Variants in BLTP3A observed in about 807,000 individuals in gnomAD.
The protein encoded by BLTP3A is ICBP90 binding protein 1.
the BLTP3A span, among the ~76,000 whole-genome samples, chr6:34,826,111 C>CA: frequency 6.8e-6 from 1 of 147,446 alleles, no homozygotes; most frequent in Non-Finnish European, 1.5e-5. Context: ...TCACTGCAAC[C>CA]ACCGCTTCCT....
the BLTP3A span, among the ~76,000 whole-genome samples, chr6:34,806,074 C>T: frequency 6.6e-6 from 1 of 152,086 alleles, no homozygotes; most frequent in Non-Finnish European, 1.5e-5. Context: ...ATTAATCAGA[C>T]ATATTAGAGT....
At chr6:34,849,691 T>G in the BLTP3A span, among the ~76,000 whole-genome samples, 1 of 152,344 alleles carries the variant, frequency 6.6e-6, no homozygotes, top group East Asian at 1.9e-4. Context: ...GATTTCTTAT[T>G]GCTCGTTAAC....
the BLTP3A span, among the ~76,000 whole-genome samples, chr6:34,808,445 A>G: frequency 1.3e-5 from 2 of 152,132 alleles, no homozygotes; most frequent in South Asian, 2.1e-4. Context: ...GTTTCTGGAA[A>G]AGATTAATGG....
chr6:34,834,956 C>T, the BLTP3A span: 13 of 1,463,624 alleles, frequency 8.9e-6, no homozygotes, highest in African/African-American at 1.4e-5. Context: ...ATGTTATTGG[C>T]CCTGGAATGA....
the BLTP3A span, among the ~76,000 whole-genome samples, chr6:34,807,356 A>C: frequency 2.6e-5 from 4 of 152,298 alleles, 1 homozygote; most frequent in South Asian, 6.2e-4. Context: ...AGAGTCACTG[A>C]GGAGCTCTAA....
At chr6:34,820,061 C>T in the BLTP3A span, among the ~76,000 whole-genome samples, 15 of 152,048 alleles carry the variant, frequency 9.9e-5, no homozygotes, top group Non-Finnish European at 2.1e-4. Flanking sequence ...GTGTAGGGGT[C>T]TGGGATTTCA....
the BLTP3A span, among the ~76,000 whole-genome samples, chr6:34,837,130 T>C: frequency 2.0e-5 from 3 of 152,256 alleles, no homozygotes; most frequent in East Asian, 5.8e-4. Flanking sequence ...TCTTTGTGTT[T>C]CCTTTAAACT....
At chr6:34,812,634 A>AT in the BLTP3A span, among the ~76,000 whole-genome samples, 717 of 143,306 alleles carry the variant, frequency 5.0e-3, no homozygotes, top group East Asian at 0.03. Context: ...CAGCTAATTA[A>AT]TTTTTTTTTT....
the BLTP3A span, among the ~76,000 whole-genome samples, chr6:34,792,804 GC>G: frequency 2.0e-5 from 3 of 152,076 alleles, no homozygotes; most frequent in Non-Finnish European, 4.4e-5. Flanking sequence ...AAATAACCCT[GC>G]TACCAGTCCT....
At chr6:34,823,292 T>G in the BLTP3A span, 1 of 1,614,142 alleles carries the variant, frequency 6.2e-7, no homozygotes, top group Non-Finnish European at 8.5e-7. Context: ...TGAAGACATG[T>G]GAGGATCCTC....
the BLTP3A span, among the ~76,000 whole-genome samples, chr6:34,814,504 C>G: frequency 4.7e-4 from 72 of 152,256 alleles, 1 homozygote; most frequent in African/African-American, 1.6e-3. Context: ...CACAGGAGGA[C>G]CGCTCATGGT....
chr6:34,830,241 A>G, the BLTP3A span, among the ~76,000 whole-genome samples: 2 of 151,198 alleles, frequency 1.3e-5, no homozygotes, highest in Admixed American at 6.6e-5. Flanking sequence ...GGCTTGTAGA[A>G]CTCTTCTCTA....
chr6:34,853,164 T>C, the BLTP3A span, among the ~76,000 whole-genome samples: 2 of 152,166 alleles, frequency 1.3e-5, no homozygotes, highest in Non-Finnish European at 2.9e-5. Context: ...TATGATTTCC[T>C]GTGTGGAGAG....
At chr6:34,805,041 C>T in the BLTP3A span, among the ~76,000 whole-genome samples, 2 of 152,290 alleles carry the variant, frequency 1.3e-5, no homozygotes, top group Non-Finnish European at 2.9e-5. Flanking sequence ...CACCTGTAAT[C>T]CTAGCACTTT....
the BLTP3A span, among the ~76,000 whole-genome samples, chr6:34,793,433 G>A: frequency 6.6e-6 from 1 of 152,190 alleles, no homozygotes; most frequent in Non-Finnish European, 1.5e-5. Context: ...ACCCAGGCTT[G>A]CACTGATGTT....
the BLTP3A span, among the ~76,000 whole-genome samples, chr6:34,824,989 CG>C: frequency 6.6e-6 from 1 of 152,168 alleles, no homozygotes; most frequent in East Asian, 1.9e-4. Flanking sequence ...TATTTTTTTA[CG>C]GAACAATATG....
At chr6:34,856,949 T>C in the BLTP3A span, 3 of 1,606,072 alleles carry the variant, frequency 1.9e-6, no homozygotes, top group South Asian at 1.1e-5. Flanking sequence ...TGAGGAAACA[T>C]GGTTGGAAAG....
At chr6:34,864,229 A>C in the BLTP3A span, 1 of 1,600,006 alleles carries the variant, frequency 6.2e-7, no homozygotes, top group Non-Finnish European at 8.5e-7. Context: ...GCAAAGTTGC[A>C]GAAGTCCAGA....
At chr6:34,825,439 C>T in the BLTP3A span, among the ~76,000 whole-genome samples, 1 of 152,178 alleles carries the variant, frequency 6.6e-6, no homozygotes, top group East Asian at 1.9e-4. Context: ...TCCCAGGTAG[C>T]TGGGATTACA....
Sources: allele counts gnomAD v4.1 joint callset (sites outside exome capture counted in the v4.1 genomes callset), GRCh38; gene constraint gnomAD v4.1.1; transcripts MANE v1.5; gene names NCBI Gene and HGNC (gene_info 2026-07-23, HGNC 2026-07-21).